The following LPIN2 variants were observed in gnomAD, a reference collection of about 807,000 sequenced individuals.
LPIN2 encodes the protein lipin 2, also known as phosphatidate phosphatase LPIN2.
In LPIN2, 55 loss-of-function variants were observed where a neutral mutation model predicts 111.4. That is an observed-to-expected ratio of 0.49 (90% CI 0.40 to 0.62). The LOEUF is 0.62. Ranked by LOEUF, LPIN2 falls within the 20% of genes least tolerant of loss-of-function variation. LPIN2 has a pLI of 0.00. For synonymous variants in LPIN2, 425 were observed against 414.0 expected (o/e 1.03, Z -0.32); for missense variants, 992 against 1,112.1 (o/e 0.89, Z 1.54).
At position 2,993,654 on chromosome 18, in the gene LPIN2, G is replaced by A. The variant is rs185156785; in HGVS notation, c.-10+19433C>T. ...ATTTTATGTATACCTACACACAACA[G>A]AGAGCTTCTTCCTTCAGTCAAAAAT... On this transcript the variant is annotated intron_variant, in intron 1 of 19. Coordinates refer to ENST00000677752, the MANE Select transcript of LPIN2 (RefSeq NM_001375808.2). Among the ~76,000 whole-genome samples, 5 of 152,274 alleles carry A rather than the reference G, an allele frequency of 3.3e-5. No homozygotes were observed. The East Asian group carries it at 9.7e-4, about 29-fold the overall frequency.
At chr18:2,983,162 GGA>G (rs2078137726) in intron 1 of LPIN2, among the ~76,000 whole-genome samples, 1 of 152,150 alleles carries the variant, frequency 6.6e-6, no homozygotes, top group Non-Finnish European at 1.5e-5. Context: ...CTACACATAT[GGA>G]GAGTGATCTT....
At chr18:2,999,854 A>C (rs1416545139) in intron 1 of LPIN2, among the ~76,000 whole-genome samples, 1 of 152,068 alleles carries the variant, frequency 6.6e-6, no homozygotes, top group Non-Finnish European at 1.5e-5. Flanking sequence ...TTGGAGAATA[A>C]ATACCAGCCT....
intron 2 of LPIN2, among the ~76,000 whole-genome samples, chr18:2,958,427 T>C (rs1598568987): frequency 6.6e-6 from 1 of 152,130 alleles, no homozygotes; most frequent in Non-Finnish European, 1.5e-5. Flanking sequence ...TACACCCGTA[T>C]TTGAAAATTT....
At chr18:2,996,487 T>A (rs1197313948) in intron 1 of LPIN2, among the ~76,000 whole-genome samples, 119 of 49,938 alleles carry the variant, frequency 2.4e-3, no homozygotes, top group African/African-American at 6.3e-3. Flanking sequence ...TTTTTTTTTT[T>A]TTTTTTTTGA....
At chr18:2,974,112 T>A (rs1376521930) in intron 1 of LPIN2, among the ~76,000 whole-genome samples, 3 of 152,256 alleles carry the variant, frequency 2.0e-5, no homozygotes, top group Non-Finnish European at 2.9e-5. Context: ...TTTGTTTTTT[T>A]GAGATGCAGT....
At chr18:3,004,175 A>G (rs11874494) in intron 1 of LPIN2, among the ~76,000 whole-genome samples, 13,088 of 152,266 alleles carry the variant, frequency 0.086, 1,379 homozygotes, top group African/African-American at 0.26. Flanking sequence ...TGTGCACAGC[A>G]GGACATAGAC....
At position 2,939,611 on chromosome 18, in the gene LPIN2, G is replaced by C. The variant is rs1568540842; in HGVS notation, c.699-8C>G. On this transcript the variant is annotated splice_region_variant and splice_polypyrimidine_tract_variant and intron_variant, in intron 5 of 19. Coordinates refer to ENST00000677752, the MANE Select transcript of LPIN2 (RefSeq NM_001375808.2). ...GCTGTCTGGGGATAGGTGCTGCAAA[G>C]AGAACAAAGACACACGATGACTTGA... is the stretch of plus-strand genomic sequence containing the variant. 3 of 1,612,640 alleles carry C rather than the reference G, an allele frequency of 1.9e-6. No individual in the cohort carries two copies. The highest frequency in any genetic ancestry group is 2.5e-6 in the Non-Finnish European group (3 of 1,179,544).
At chr18:2,947,294 A>G (rs2077468059) in intron 4 of LPIN2, among the ~76,000 whole-genome samples, 1 of 139,044 alleles carries the variant, frequency 7.2e-6, no homozygotes, top group Non-Finnish European at 1.6e-5. Context: ...ACACCATCCA[A>G]TATGCAGAGT....
chr18:2,941,166 T>C (rs1054472590), intron 4 of LPIN2, among the ~76,000 whole-genome samples: 1 of 152,232 alleles, frequency 6.6e-6, no homozygotes, highest in African/African-American at 2.4e-5. Flanking sequence ...TGCTCTCCCC[T>C]TTCTACTGAA....
chr18:2,974,426 CTGT>C (rs1001572905), intron 1 of LPIN2, among the ~76,000 whole-genome samples: 1 of 152,126 alleles, frequency 6.6e-6, no homozygotes. Flanking sequence ...TTGGGGGAGC[CTGT>C]TATTAGAGAA....
chr18:2,929,202 A>G (rs780313505), intron 9 of LPIN2, 44 bp from the exon 10 acceptor site: 1 of 1,185,720 alleles, frequency 8.4e-7, no homozygotes, highest in South Asian at 1.2e-5. Context: ...GATTACATAA[A>G]TCCCTATATG....
chr18:2,960,574 T>C, intron 2 of LPIN2, 75 bp downstream of exon 2: 1 of 1,472,550 alleles, frequency 6.8e-7, no homozygotes, highest in South Asian at 1.1e-5. Flanking sequence ...GGATGACTTT[T>C]CTACTCCTTG....
At chr18:2,990,323 C>CT (rs528374721) in intron 1 of LPIN2, among the ~76,000 whole-genome samples, 14 of 151,980 alleles carry the variant, frequency 9.2e-5, no homozygotes, top group Admixed American at 2.0e-4. Context: ...ACTAAAAGTA[C>CT]TTTTTTTTGT....
chr18:2,919,002 ATGT>A lies in LPIN2; in HGVS notation c.*1288_*1290del, dbSNP rs2077009526. ...TTCTGGGCTCCTGACAGTTCTCTTG[ATGT>A]TAAGAGTGCAGCTCTGTCAACACTC... On this transcript the variant is annotated 3_prime_UTR_variant, in exon 20 of 20. Coordinates refer to ENST00000677752, the MANE Select transcript of LPIN2 (RefSeq NM_001375808.2). 1 of 152,118 alleles carries A rather than the reference ATGT, an allele frequency of 6.6e-6. No homozygotes were observed. The highest frequency in any genetic ancestry group is 6.5e-5 in the Admixed American group (1 of 15,278). The allele number at this position is 152,118 out of a possible 1,614,324, so 9.4% of individuals were successfully genotyped here. A position where few individuals can be genotyped will look rare whatever the true frequency, so the allele number is the denominator to read the frequency against.
At chr18:3,001,871 G>C (rs1159789914) in intron 1 of LPIN2, among the ~76,000 whole-genome samples, 1 of 152,104 alleles carries the variant, frequency 6.6e-6, no homozygotes, top group African/African-American at 2.4e-5. Context: ...CACATTTACA[G>C]AAATGAAAAC....
In LPIN2 at chr18:2,920,822, G is replaced by T. The variant is rs748215246; in HGVS notation, c.2502C>A (p.Pro834=). 9.3e-6 allele frequency: 15 copies of T among 1,613,980 alleles called. No homozygotes were observed. The highest frequency in any genetic ancestry group is 1.0e-5 in the Non-Finnish European group (12 of 1,179,980). ...VPDCRIFTVN[P]KGELIQERTK... ...TTCTTTCTTGTATTAATTCACCCTT[G>T]GGGTTCACGGTGAATATTCTACAGT... Residue 834 remains proline, a synonymous_variant, in exon 19 of 20, where the codon CCC becomes CCA. Transcript: ENST00000677752.
At chr18:2,955,573 G>C (rs937029248) in intron 2 of LPIN2, among the ~76,000 whole-genome samples, 1 of 152,014 alleles carries the variant, frequency 6.6e-6, no homozygotes, top group Non-Finnish European at 1.5e-5. Context: ...GACTTGGAGG[G>C]GACATCCAAA....
intron 4 of LPIN2, among the ~76,000 whole-genome samples, 177 bp from the exon 5 acceptor site, chr18:2,940,889 C>T (rs1379564924): frequency 6.6e-6 from 1 of 152,172 alleles, no homozygotes; most frequent in African/African-American, 2.4e-5. Context: ...CACTATAAAA[C>T]ACCACAATCA....
chr18:2,950,947 A>G, intron 4 of LPIN2, 108 bp downstream of exon 4: 1 of 1,222,976 alleles, frequency 8.2e-7, no homozygotes, highest in Non-Finnish European at 1.2e-6. Flanking sequence ...TAAAGGGGGA[A>G]AACAAGCCCA....
Sources: allele counts gnomAD v4.1 joint callset (sites outside exome capture counted in the v4.1 genomes callset), GRCh38; gene constraint gnomAD v4.1.1; transcripts MANE v1.5; gene names NCBI Gene and HGNC (gene_info 2026-07-23, HGNC 2026-07-21).